The following RAD50 variants were observed in gnomAD, a reference collection of about 807,000 sequenced individuals.
RAD50 encodes the protein RAD50 double strand break repair protein.
Under a neutral mutation model 168.8 loss-of-function variants are expected in RAD50, and 132 were observed. The ratio of observed to expected loss-of-function variants is 0.78; its 90% CI spans 0.68 to 0.90. RAD50 has a LOEUF of 0.90. RAD50 is among the 40% of genes least tolerant of loss of function. The pLI is 0.00. For missense variants in RAD50, 1,347 were observed against 1,534.4 expected, an observed-to-expected ratio of 0.88 and a Z score of 2.04; for synonymous variants, 525 against 497.4, an observed-to-expected ratio of 1.06 and a Z score of -0.74.
At chr5:132,615,532 TTGATCTCTTATAA>T (rs1751160378) in intron 19 of RAD50, among the ~76,000 whole-genome samples, 1 of 152,176 alleles carries the variant, frequency 6.6e-6, no homozygotes, top group African/African-American at 2.4e-5. Context: ...AGTAGTAGTA[TTGATCTCTTATAA>T]TCTTTCAGGT....
chr5:132,643,873 T>C lies in RAD50; in HGVS notation c.*1509T>C, dbSNP rs1751795262. ...AAATCTGTTGATAAATCCATCACTA[T>C]AATAAAACCGAAGGTGAAAAAAATT... is the stretch of plus-strand genomic sequence containing the variant. On this transcript the variant is annotated 3_prime_UTR_variant, in exon 25 of 25. Coordinates refer to ENST00000378823, the MANE Select transcript of RAD50 (RefSeq NM_005732.4). 1 of 231,550 alleles carries C rather than the reference T, an allele frequency of 4.3e-6. No individual in the cohort carries two copies. Among genetic ancestry groups the C allele is most frequent in the African/African-American group, 2.2e-5 (1 of 45,150 alleles). The allele number at this position is 231,550 out of a possible 1,614,324, so 14.3% of individuals were successfully genotyped here. A position where few individuals can be genotyped will look rare whatever the true frequency, so the allele number is the denominator to read the frequency against.
intron 21 of RAD50, among the ~76,000 whole-genome samples, chr5:132,624,215 T>G (rs1751332983): frequency 6.6e-6 from 1 of 152,158 alleles, no homozygotes; most frequent in Non-Finnish European, 1.5e-5. Flanking sequence ...AAATGAGAAC[T>G]TTTGTTTTTT....
chr5:132,610,507 C>T (rs1351393158), intron 19 of RAD50, among the ~76,000 whole-genome samples: 1 of 152,062 alleles, frequency 6.6e-6, no homozygotes, highest in Non-Finnish European at 1.5e-5. Context: ...AAAAACTATA[C>T]CATTTCTCTG....
intron 23 of RAD50, among the ~76,000 whole-genome samples, chr5:132,638,751 C>G (rs1226264326): frequency 6.6e-6 from 1 of 152,174 alleles, no homozygotes; most frequent in Non-Finnish European, 1.5e-5. Flanking sequence ...GACTTAGCTG[C>G]TGGGTCAGGC....
intron 2 of RAD50, among the ~76,000 whole-genome samples, chr5:132,565,987 C>T (rs1466321305): frequency 1.3e-5 from 2 of 152,200 alleles, no homozygotes; most frequent in African/African-American, 4.8e-5. Context: ...CTTCAGCTGG[C>T]ATGAACACGC....
chr5:132,610,479 A>G (rs982946859), intron 19 of RAD50, among the ~76,000 whole-genome samples: 2 of 152,204 alleles, frequency 1.3e-5, no homozygotes, highest in African/African-American at 4.8e-5. Context: ...TTATGCAAGC[A>G]TGGTAGTTAA....
chr5:132,614,753 G>A (rs1335586474), intron 19 of RAD50, among the ~76,000 whole-genome samples: 1 of 150,986 alleles, frequency 6.6e-6, no homozygotes, highest in Non-Finnish European at 1.5e-5. Context: ...CCGTAGATGT[G>A]GACCCTGTGG....
At chr5:132,619,836 CTA>C (rs1220250912) in intron 21 of RAD50, among the ~76,000 whole-genome samples, 1,698 of 114,344 alleles carry the variant, frequency 0.015, 48 homozygotes, top group African/African-American at 0.056. Context: ...CTCTCTCTCT[CTA>C]TATATATATA....
In RAD50 at chr5:132,644,525, T is replaced by TA. The variant is rs1751809526; in HGVS notation, c.*2162dup. 1 of 181,314 alleles carries TA rather than the reference T, an allele frequency of 5.5e-6. No homozygotes were observed. Among genetic ancestry groups the TA allele is most frequent in the Non-Finnish European group, 1.2e-5 (1 of 84,992 alleles). The allele number at this position is 181,314 out of a possible 1,614,324, so 11.2% of individuals were successfully genotyped here. A position where few individuals can be genotyped will look rare whatever the true frequency, so the allele number is the denominator to read the frequency against. The stretch of plus-strand genomic sequence containing the variant: ...AATGGTACATATTTTGTAGGGTTGT[T>TA]ATGAAGATTGAATGACATTATTTAC... On this transcript the variant is annotated 3_prime_UTR_variant, in exon 25 of 25. Coordinates refer to ENST00000378823, the MANE Select transcript of RAD50 (RefSeq NM_005732.4).
In RAD50 at chr5:132,588,021, A is replaced by G. The variant is rs1554098198; in HGVS notation, c.983A>G (p.Glu328Gly). Residue 328 changes from glutamate (E) to glycine (G), a missense_variant, in exon 7 of 25, where the codon GAA (glutamate) becomes GGA (glycine). Physicochemically the swap from Glu to Gly is moderately conservative, Grantham distance 98. Coordinates refer to ENST00000378823, the MANE Select transcript of RAD50 (RefSeq NM_005732.4). ...KERKLVDCHR[E>G]LEKLNKESRL... ...AGGAAATTGGTAGACTGTCATCGTG[A>G]ACTGGAAAAACTAAATAAAGAATCT... is the stretch of plus-strand genomic sequence containing the variant. 6.2e-7 allele frequency: 1 copy of G among 1,612,338 alleles called. No homozygotes were observed. The highest frequency in any genetic ancestry group is 1.1e-5 in the South Asian group (1 of 91,036).
intron 5 of RAD50, among the ~76,000 whole-genome samples, chr5:132,586,736 ATACT>A (rs2149840183): frequency 6.6e-6 from 1 of 152,274 alleles, no homozygotes; most frequent in Admixed American, 6.5e-5. Flanking sequence ...ATGGTGGTAC[ATACT>A]TATAGTCTCA....
chr5:132,636,760 A>G (rs1049229510), intron 21 of RAD50, among the ~76,000 whole-genome samples: 2 of 152,196 alleles, frequency 1.3e-5, no homozygotes, highest in Admixed American at 6.5e-5. Context: ...ATTCCCTCCA[A>G]TAAGTTACCA....
At chr5:132,566,256 C>T (rs762623847) in intron 2 of RAD50, among the ~76,000 whole-genome samples, 3 of 152,060 alleles carry the variant, frequency 2.0e-5, no homozygotes, top group Admixed American at 6.6e-5. Flanking sequence ...TGATGTTTGC[C>T]GGGTAGCTAG....
chr5:132,620,994 G>A (rs959234975), intron 21 of RAD50, among the ~76,000 whole-genome samples: 2 of 152,088 alleles, frequency 1.3e-5, no homozygotes, highest in Admixed American at 6.5e-5. Flanking sequence ...TGCTGTCTCG[G>A]ATGGCAGAGG....
rs928846758 is a variant in RAD50 at position 132,601,249 on chromosome 5, C to T, written c.2208-2051C>T. Among the ~76,000 whole-genome samples, 7 of 152,186 alleles carry T rather than the reference C, an allele frequency of 4.6e-5. No individual in the cohort carries two copies. In the East Asian group the frequency reaches 1.3e-3, roughly 29 times the overall value. Reference sequence around the variant, plus strand: ...CTGACCTCAGGTGATTCACCAGCCTCAGCCTCCCAAAGTGCTCATATTACA... The same window carrying T: ...CTGACCTCAGGTGATTCACCAGCCTTAGCCTCCCAAAGTGCTCATATTACA... On this transcript the variant is annotated intron_variant, in intron 13 of 24. Transcript: ENST00000378823.
At chr5:132,568,541 T>C (rs1253488308) in intron 2 of RAD50, among the ~76,000 whole-genome samples, 1 of 152,170 alleles carries the variant, frequency 6.6e-6, no homozygotes, top group Non-Finnish European at 1.5e-5. Flanking sequence ...TGTTGTACAT[T>C]ACATTCAAAT....
intron 16 of RAD50, among the ~76,000 whole-genome samples, 158 bp downstream of exon 16, chr5:132,605,157 G>T (rs1328802879): frequency 6.6e-6 from 1 of 152,168 alleles, no homozygotes; most frequent in Non-Finnish European, 1.5e-5. Context: ...TGATTCTCTT[G>T]CCTCAGCCTC....
chr5:132,579,224 T>C, intron 3 of RAD50, 93 bp from the exon 4 acceptor site: 1 of 1,327,942 alleles, frequency 7.5e-7, no homozygotes, highest in Non-Finnish European at 1.0e-6. Flanking sequence ...TTTTTTTTAT[T>C]CTTTTAAAGA....
intron 1 of RAD50, among the ~76,000 whole-genome samples, chr5:132,558,090 G>A (rs78524273): frequency 0.02 from 2,974 of 152,096 alleles, 76 homozygotes; most frequent in African/African-American, 0.061. Flanking sequence ...AGGAATAGTG[G>A]CTTAAGAAAA....
Sources: gnomAD v4.1 joint callset for allele counts (sites outside exome capture counted in the v4.1 genomes callset) on GRCh38, gnomAD v4.1.1 for gene constraint, MANE v1.5 for transcripts, NCBI Gene and HGNC (gene_info 2026-07-23, HGNC 2026-07-21) for gene names.